The following LRP1B variants were observed in gnomAD, a reference collection of about 807,000 sequenced individuals.
LRP1B encodes the protein low-density lipoprotein receptor-related protein 1B.
A neutral mutation model predicts 556.6 loss-of-function variants in LRP1B; 217 were observed. The ratio of observed to expected loss-of-function variants is 0.39; its 90% CI spans 0.35 to 0.44. LRP1B has a LOEUF of 0.44. Ranked by LOEUF, LRP1B falls within the 20% of genes least tolerant of loss-of-function variation. The pLI is 1.00. For missense variants in LRP1B, 5,053 were observed against 5,620.8 expected (o/e 0.90, Z 3.23); for synonymous variants, 2,047 against 1,865.8 (o/e 1.10, Z -2.50).
intron 7 of LRP1B, among the ~76,000 whole-genome samples, chr2:141,164,218 C>T (rs1051939120): frequency 6.6e-6 from 1 of 151,732 alleles, no homozygotes; most frequent in African/African-American, 2.4e-5. Context: ...ATTGAAGAGC[C>T]GTAAGAACTA....
At chr2:141,310,961 T>C (rs1686791794) in intron 3 of LRP1B, among the ~76,000 whole-genome samples, 2 of 152,210 alleles carry the variant, frequency 1.3e-5, no homozygotes, top group Non-Finnish European at 2.9e-5. Context: ...AAATGTGACA[T>C]CATTAAGAAG....
At chr2:141,695,957 A>G (rs893842005) in intron 2 of LRP1B, among the ~76,000 whole-genome samples, 6 of 151,986 alleles carry the variant, frequency 3.9e-5, no homozygotes, top group African/African-American at 1.4e-4. Context: ...GAATGAATTT[A>G]GTTCTCCTTG....
chr2:141,402,540 CA>C (rs1690485448), intron 3 of LRP1B, among the ~76,000 whole-genome samples: 1 of 151,980 alleles, frequency 6.6e-6, no homozygotes, highest in African/African-American at 2.4e-5. Flanking sequence ...AAAAAAATCT[CA>C]AAGTAACACT....
chr2:140,877,123 G>A (rs1693333795), intron 25 of LRP1B, among the ~76,000 whole-genome samples: 1 of 150,852 alleles, frequency 6.6e-6, no homozygotes, highest in Non-Finnish European at 1.5e-5. Flanking sequence ...CTGTGCTTTT[G>A]TAAAGCCCTC....
chr2:141,495,076 C>T (rs1200260206), intron 2 of LRP1B, among the ~76,000 whole-genome samples: 1 of 151,920 alleles, frequency 6.6e-6, no homozygotes, highest in Non-Finnish European at 1.5e-5. Flanking sequence ...AAAGATTTTT[C>T]CGGTTATCTA....
chr2:141,940,644 T>C (rs1016255651), intron 1 of LRP1B, among the ~76,000 whole-genome samples: 1 of 152,184 alleles, frequency 6.6e-6, no homozygotes, highest in African/African-American at 2.4e-5. Context: ...TTTGAATATA[T>C]GTGTATTTTT....
At chr2:141,680,645 G>A (rs542797437) in intron 2 of LRP1B, among the ~76,000 whole-genome samples, 7 of 152,224 alleles carry the variant, frequency 4.6e-5, no homozygotes, top group African/African-American at 1.4e-4. Flanking sequence ...CAAAAATAGA[G>A]GGAACAGAAG....
intron 3 of LRP1B, among the ~76,000 whole-genome samples, chr2:141,274,622 T>G (rs1026618292): frequency 6.6e-6 from 1 of 152,184 alleles, no homozygotes; most frequent in Non-Finnish European, 1.5e-5. Context: ...TTCTATAATT[T>G]ATTGCAGTGA....
At chr2:141,310,167 T>C (rs1044700470) in intron 3 of LRP1B, among the ~76,000 whole-genome samples, 2 of 152,190 alleles carry the variant, frequency 1.3e-5, no homozygotes, top group African/African-American at 2.4e-5. Context: ...TAAAAGATTG[T>C]ACAGAAGAAA....
chr2:140,503,997 T>C (rs1689302805), intron 53 of LRP1B, among the ~76,000 whole-genome samples: 1 of 152,138 alleles, frequency 6.6e-6, no homozygotes, highest in Non-Finnish European at 1.5e-5. Flanking sequence ...TTCTTCGCTC[T>C]CTCTCCTCCT....
chr2:141,859,703 T>G (rs1558923433), intron 1 of LRP1B, among the ~76,000 whole-genome samples: 3 of 152,182 alleles, frequency 2.0e-5, no homozygotes, highest in East Asian at 3.9e-4. Flanking sequence ...ATATAATAAT[T>G]ACTATGATTT....
chr2:141,813,103 C>A (rs1574389699), intron 1 of LRP1B, among the ~76,000 whole-genome samples: 1 of 152,150 alleles, frequency 6.6e-6, no homozygotes, highest in East Asian at 1.9e-4. Flanking sequence ...TTTATCTATG[C>A]AACACATATT....
chr2:140,956,503 TG>T (rs1238079948), intron 18 of LRP1B, among the ~76,000 whole-genome samples: 2 of 151,734 alleles, frequency 1.3e-5, no homozygotes, highest in Admixed American at 1.3e-4. Context: ...TTATGAAAAG[TG>T]GTGCTTTTAA....
chr2:140,541,719 A>C, intron 44 of LRP1B, 60 bp downstream of exon 44: 2 of 1,288,398 alleles, frequency 1.6e-6, no homozygotes, highest in Non-Finnish European at 2.1e-6. Context: ...ACATATATAC[A>C]TTTTTAGAGA....
chr2:141,176,503 C>T (rs1024133466), intron 7 of LRP1B, among the ~76,000 whole-genome samples: 2 of 151,956 alleles, frequency 1.3e-5, no homozygotes, highest in African/African-American at 2.4e-5. Flanking sequence ...GATGACCTTC[C>T]CCTGTGCCTA....
At chr2:141,466,962 T>G (rs1682230168) in intron 3 of LRP1B, among the ~76,000 whole-genome samples, 1 of 150,298 alleles carries the variant, frequency 6.7e-6, no homozygotes, top group Non-Finnish European at 1.5e-5. Flanking sequence ...TATATATATA[T>G]ATATATATAT....
chr2:141,248,936 A>G (rs1306503480), intron 4 of LRP1B, among the ~76,000 whole-genome samples: 3 of 152,202 alleles, frequency 2.0e-5, no homozygotes, highest in African/African-American at 7.2e-5. Context: ...AAGAAGTAGA[A>G]TAGACAACAT....
chr2:141,878,105 G>A (rs1283109887), intron 1 of LRP1B, among the ~76,000 whole-genome samples: 1 of 151,806 alleles, frequency 6.6e-6, no homozygotes, highest in Non-Finnish European at 1.5e-5. Flanking sequence ...CCCTCTTAAA[G>A]GACTTCACAA....
intron 66 of LRP1B, among the ~76,000 whole-genome samples, chr2:140,409,389 T>A (rs1684878131): frequency 6.6e-6 from 1 of 152,006 alleles, no homozygotes; most frequent in South Asian, 2.1e-4. Flanking sequence ...ACAAGATATA[T>A]TGACTGGAAG....
Sources: gnomAD v4.1 joint callset for allele counts (sites outside exome capture counted in the v4.1 genomes callset) on GRCh38, gnomAD v4.1.1 for gene constraint, MANE v1.5 for transcripts, NCBI Gene and HGNC (gene_info 2026-07-23, HGNC 2026-07-21) for gene names.